The following KDM5B variants were observed in gnomAD, a reference collection of about 807,000 sequenced individuals.
KDM5B encodes lysine demethylase 5B, also known as lysine-specific demethylase 5B.
A neutral mutation model predicts 193.4 loss-of-function variants in KDM5B; 144 were observed. The ratio of observed to expected loss-of-function variants is 0.74; its 90% CI spans 0.65 to 0.86. The LOEUF is 0.86. Among genes scored for constraint, KDM5B ranks in the 40% least tolerant of loss-of-function variants. The pLI, the probability that KDM5B is intolerant of heterozygous loss-of-function variation, is 0.00. For synonymous variants in KDM5B, 668 were observed against 682.6 expected, an observed-to-expected ratio of 0.98 and a Z score of 0.33; for missense variants, 1,833 against 1,886.9, an observed-to-expected ratio of 0.97 and a Z score of 0.53.
Position 202,790,670 on chromosome 1 carries a change from A to C in KDM5B, c.205-13576T>G, listed in dbSNP as rs796326395. Among the ~76,000 whole-genome samples the C allele has an allele frequency of 3.3e-5, 5 of 152,290 alleles. 1 individual carries two copies. Among genetic ancestry groups the C allele is most frequent in the African/African-American group, 1.2e-4 (5 of 41,556 alleles). ...GGGAGGCAGAGATTGCAGTGAGCCG[A>C]GACTGCACCACTGAACTCCAGCCTG... On this transcript the variant is annotated intron_variant, in intron 1 of 26. Transcript: ENST00000367265.
chr1:202,800,316 A>T (rs747185091), intron 1 of KDM5B, among the ~76,000 whole-genome samples: 3 of 151,992 alleles, frequency 2.0e-5, no homozygotes, highest in Non-Finnish European at 4.4e-5. Context: ...TGCTGAGATT[A>T]CAGGTGTGAG....
chr1:202,747,871 A>C (rs1356482717), intron 14 of KDM5B, among the ~76,000 whole-genome samples: 1 of 152,120 alleles, frequency 6.6e-6, no homozygotes, highest in Non-Finnish European at 1.5e-5. Flanking sequence ...ATGCAGTCTC[A>C]ATCAAAATTC....
chr1:202,739,182 C>A lies in KDM5B; in HGVS notation c.3084+1492G>T, dbSNP rs548445633. Among the ~76,000 whole-genome samples the A allele has an allele frequency of 3.9e-5, 6 of 152,338 alleles. No homozygotes were observed. The South Asian group carries it at 1.0e-3, about 26-fold the overall frequency. On this transcript the variant is annotated intron_variant, in intron 20 of 26. Coordinates refer to ENST00000367265, the MANE Select transcript of KDM5B (RefSeq NM_006618.5). ...TTATCAAAGAGTAGAAAACTACTTTCTCTCACTACTTCATTGTTAGCTCTT... is the reference window on the plus strand; with the variant it reads ...TTATCAAAGAGTAGAAAACTACTTTATCTCACTACTTCATTGTTAGCTCTT...
intron 11 of KDM5B, 123 bp from the exon 12 acceptor site, chr1:202,753,190 G>T: frequency 1.3e-6 from 1 of 790,602 alleles, no homozygotes; most frequent in Non-Finnish European, 2.0e-6. Context: ...ACAAACTGAC[G>T]AAATATCATT....
At chr1:202,757,117 A>G (rs1045494989) in intron 9 of KDM5B, among the ~76,000 whole-genome samples, 2 of 152,020 alleles carry the variant, frequency 1.3e-5, no homozygotes, top group East Asian at 1.9e-4. Context: ...TTAGATTCTC[A>G]TAAGGAACAT....
chr1:202,804,590 T>C (rs970739860), intron 1 of KDM5B, among the ~76,000 whole-genome samples: 3 of 152,098 alleles, frequency 2.0e-5, no homozygotes, highest in African/African-American at 7.2e-5. Flanking sequence ...TTAAGGGCAG[T>C]TTTACACTTG....
At chr1:202,767,275 A>G (rs1467742480) in intron 4 of KDM5B, 8 of 1,609,018 alleles carry the variant, frequency 5.0e-6, no homozygotes, top group Non-Finnish European at 6.8e-6. Context: ...GGGTATAGCA[A>G]ACGCAGATCC....
chr1:202,766,657 C>T (rs1314049183), intron 5 of KDM5B, among the ~76,000 whole-genome samples: 1 of 152,190 alleles, frequency 6.6e-6, no homozygotes, highest in Non-Finnish European at 1.5e-5. Flanking sequence ...AGTAGGAACA[C>T]AGGAACACCA....
chr1:202,774,148 G>T (rs1198848618), intron 3 of KDM5B, among the ~76,000 whole-genome samples: 1 of 152,170 alleles, frequency 6.6e-6, no homozygotes, highest in East Asian at 1.9e-4. Context: ...AGAAAAACAG[G>T]TGGAAGCAAA....
intron 20 of KDM5B, among the ~76,000 whole-genome samples, chr1:202,739,890 G>A (rs1244552687): frequency 7.9e-5 from 12 of 152,172 alleles, no homozygotes; most frequent in Non-Finnish European, 1.2e-4. Flanking sequence ...ACACAGACAC[G>A]GCAACCATCC....
Position 202,764,057 on chromosome 1 carries a change from C to T in KDM5B, c.800G>A (p.Cys267Tyr). The T allele has an allele frequency of 6.5e-7, 1 of 1,547,762 alleles. No homozygotes were observed. The highest frequency in any genetic ancestry group is 1.2e-5 in the South Asian group (1 of 82,904). Residue 267 changes from cysteine (C) to tyrosine (Y), a missense_variant, in exon 6 of 27, where the codon TGT becomes TAT. Around this residue, in one of 3 missense-constraint regions of KDM5B, gnomAD observed 355 missense variants for 374.9 expected, o/e 0.95. Coordinates refer to ENST00000367265, the MANE Select transcript of KDM5B (RefSeq NM_006618.5). ...TTGACAAATTTTCTTACCATTTTCA[C>T]ATTTTGGAGTTGGACAACCCATTCG... is the stretch of plus-strand genomic sequence containing the variant. ...RRRMGCPTPK[C>Y]ENEKEMKSSI...
chr1:202,739,131 G>T (rs913303262), intron 20 of KDM5B, among the ~76,000 whole-genome samples: 15 of 152,136 alleles, frequency 9.9e-5, no homozygotes, highest in African/African-American at 3.6e-4. Context: ...CAAAGTTGTG[G>T]ACAAGCCAAC....
At chr1:202,792,578 G>A (rs898105255) in intron 1 of KDM5B, among the ~76,000 whole-genome samples, 3 of 152,116 alleles carry the variant, frequency 2.0e-5, no homozygotes, top group Non-Finnish European at 4.4e-5. Context: ...CAAAAATACT[G>A]ATAAGTAGAT....
intron 2 of KDM5B, among the ~76,000 whole-genome samples, chr1:202,775,093 C>T (rs563638242): frequency 2.7e-5 from 4 of 148,868 alleles, no homozygotes; most frequent in South Asian, 2.1e-4. Context: ...AAAAATCAGC[C>T]TAGTGTGGTG....
intron 4 of KDM5B, among the ~76,000 whole-genome samples, chr1:202,768,008 G>C (rs1254949409): frequency 6.6e-6 from 1 of 152,152 alleles, no homozygotes; most frequent in Non-Finnish European, 1.5e-5. Flanking sequence ...ATCATCCAAA[G>C]ATATCACCTG....
At chr1:202,792,244 A>AT (rs35527316) in intron 1 of KDM5B, among the ~76,000 whole-genome samples, 11,527 of 137,634 alleles carry the variant, frequency 0.084, 682 homozygotes, top group East Asian at 0.26. Flanking sequence ...TGGTGTTTAG[A>AT]TTTTTTTTTT....
Position 202,742,449 on chromosome 1 carries a change from T to C in KDM5B, c.2531A>G (p.Gln844Arg). The C allele has an allele frequency of 6.2e-7, 1 of 1,614,162 alleles. No individual in the cohort carries two copies. The highest frequency in any genetic ancestry group is 8.5e-7 in the Non-Finnish European group (1 of 1,180,028). Reference sequence around the variant, plus strand: ...AAGAGCATACAGCTGTGTTACAAACTGCCGGAGCTCATTCACTGTCAACTG... The same window carrying C: ...AAGAGCATACAGCTGTGTTACAAACCGCCGGAGCTCATTCACTGTCAACTG... ...QNQLTVNELR[Q>R]FVTQLYALPC... The change falls in exon 18 of 27, where the codon CAG becomes CGG. Residue 844 changes from glutamine to arginine, a missense_variant. By Grantham distance (43) the Gln-to-Arg change is conservative. Around this residue, in one of 3 missense-constraint regions of KDM5B, gnomAD observed 1,379 missense variants for 1,349.6 expected, o/e 1.02. Coordinates refer to ENST00000367265, the MANE Select transcript of KDM5B (RefSeq NM_006618.5).
intron 1 of KDM5B, among the ~76,000 whole-genome samples, chr1:202,792,848 T>A (rs1184984376): frequency 5.9e-5 from 9 of 151,776 alleles, no homozygotes; most frequent in African/African-American, 2.2e-4. Context: ...ACAAAAAAAA[T>A]TAGCCGGGCA....
intron 21 of KDM5B, among the ~76,000 whole-genome samples, 160 bp from the exon 22 acceptor site, chr1:202,735,747 A>C (rs1388681650): frequency 6.6e-6 from 1 of 152,250 alleles, no homozygotes; most frequent in Non-Finnish European, 1.5e-5. Context: ...CCTTTACAAA[A>C]GGAGGAGGAA....
Sources: gnomAD v4.1 joint callset for allele counts (sites outside exome capture counted in the v4.1 genomes callset) on GRCh38, gnomAD v4.1.1 for gene constraint, gnomAD v4.1.1 regional missense constraint, MANE v1.5 for transcripts, NCBI Gene and HGNC (gene_info 2026-07-23, HGNC 2026-07-21) for gene names.